TUSC3: variants seen among roughly 807,000 people sequenced by gnomAD.
TUSC3 encodes the protein dolichyl-diphosphooligosaccharide--protein glycosyltransferase subunit TUSC3.
Under a neutral mutation model 44.8 loss-of-function variants are expected in TUSC3, and 45 were observed. The observed-to-expected ratio is 1.00, with a 90% CI of 0.79 to 1.29. The LOEUF (loss-of-function observed/expected upper bound fraction) is 1.29, where lower values mean the gene tolerates loss of function less well. TUSC3 is among the 50% of genes most tolerant of loss of function. The probability of loss-of-function intolerance (pLI) is 0.00; values close to 1 mark genes in which losing one functional copy is unlikely to be tolerated. For synonymous variants in TUSC3, 212 were observed against 152.9 expected (o/e 1.39, Z -2.85); for missense variants, 519 against 437.9 (o/e 1.19, Z -1.65).
At chr8:15,700,849 CTTTTTT>C (rs71211076) in intron 6 of TUSC3, among the ~76,000 whole-genome samples, 1 of 90,536 alleles carries the variant, frequency 1.1e-5, no homozygotes, top group Non-Finnish European at 2.0e-5. Flanking sequence ...ATGGCTGGAG[CTTTTTT>C]TTTTTTTTTT....
At chr8:15,606,129 G>A (rs750447065) in intron 1 of TUSC3, among the ~76,000 whole-genome samples, 3 of 152,050 alleles carry the variant, frequency 2.0e-5, no homozygotes, top group Non-Finnish European at 2.9e-5. Flanking sequence ...GACAAGCCAT[G>A]ACATTACAAG....
the TUSC3 span, among the ~76,000 whole-genome samples, chr8:15,791,276 C>A: frequency 1.6e-5 from 2 of 126,402 alleles, no homozygotes; most frequent in South Asian, 2.3e-4. Context: ...AGCGCCCCCC[C>A]CAACCCACGC....
chr8:15,641,186 C>T (rs980462382), intron 2 of TUSC3, among the ~76,000 whole-genome samples: 7 of 151,746 alleles, frequency 4.6e-5, no homozygotes, highest in African/African-American at 1.7e-4. Context: ...TGGTGAAACC[C>T]CTGTCTCTAC....
At chr8:15,552,074 T>A (rs534023135) in intron 1 of TUSC3, among the ~76,000 whole-genome samples, 3 of 151,796 alleles carry the variant, frequency 2.0e-5, no homozygotes, top group African/African-American at 7.2e-5. Flanking sequence ...ACAAGCCTTA[T>A]ATGTTTGATT....
intron 6 of TUSC3, among the ~76,000 whole-genome samples, chr8:15,729,879 A>T (rs1810647527): frequency 6.6e-6 from 1 of 152,280 alleles, no homozygotes; most frequent in East Asian, 1.9e-4. Flanking sequence ...GAAAAAAAAA[A>T]GATACCTTCA....
intron 1 of TUSC3, among the ~76,000 whole-genome samples, chr8:15,600,369 A>T (rs1585140782): frequency 1.3e-5 from 2 of 151,792 alleles, no homozygotes; most frequent in South Asian, 4.1e-4. Context: ...CTAAGGACAA[A>T]CAGGTTTGAT....
At chr8:15,602,716 G>A (rs1022392926) in intron 1 of TUSC3, among the ~76,000 whole-genome samples, 2 of 150,296 alleles carry the variant, frequency 1.3e-5, no homozygotes, top group Non-Finnish European at 3.0e-5. Context: ...GTATGTATAC[G>A]TGTGTATACA....
chr8:15,478,858 CTG>C (rs1219431901), intron 1 of TUSC3, among the ~76,000 whole-genome samples: 20 of 152,294 alleles, frequency 1.3e-4, no homozygotes, highest in African/African-American at 4.6e-4. Flanking sequence ...AATTGCCACA[CTG>C]TCTTCCACAG....
At chr8:15,443,745 C>T (rs775972484) in intron 1 of TUSC3, among the ~76,000 whole-genome samples, 4 of 152,238 alleles carry the variant, frequency 2.6e-5, no homozygotes, top group African/African-American at 7.2e-5. Context: ...TTAGGAGTCA[C>T]GCAGCTGGGC....
chr8:15,554,942 T>C (rs918165435), intron 1 of TUSC3, among the ~76,000 whole-genome samples: 1 of 151,172 alleles, frequency 6.6e-6, no homozygotes, highest in African/African-American at 2.4e-5. Flanking sequence ...ACTGTGGAAA[T>C]AGGTAAATTG....
intron 6 of TUSC3, among the ~76,000 whole-genome samples, chr8:15,686,270 C>T (rs374918547): frequency 4.0e-5 from 6 of 151,764 alleles, no homozygotes; most frequent in Admixed American, 1.3e-4. Flanking sequence ...AAAGCTTATG[C>T]GTAGGCTGTA....
At chr8:15,443,891 G>A (rs1225836980) in intron 1 of TUSC3, among the ~76,000 whole-genome samples, 1 of 151,534 alleles carries the variant, frequency 6.6e-6, no homozygotes, top group Admixed American at 6.6e-5. Flanking sequence ...CCCCCACCCG[G>A]GAACTGACTC....
chr8:15,624,897 T>C (rs1312965030), intron 2 of TUSC3, among the ~76,000 whole-genome samples: 2 of 152,184 alleles, frequency 1.3e-5, no homozygotes, highest in Non-Finnish European at 2.9e-5. Context: ...CTCCTGTTTT[T>C]TTTTCTGAAA....
the TUSC3 span, among the ~76,000 whole-genome samples, chr8:15,845,169 G>A: frequency 1.3e-5 from 2 of 152,110 alleles, no homozygotes; most frequent in Non-Finnish European, 2.9e-5. Context: ...GTGATTTTAA[G>A]TCCCTCGGAT....
intron 2 of TUSC3, among the ~76,000 whole-genome samples, chr8:15,499,608 G>C (rs778491097): frequency 1.3e-5 from 2 of 152,170 alleles, no homozygotes; most frequent in African/African-American, 4.8e-5. Flanking sequence ...TTCTTGGTAT[G>C]ATGGTTAATT....
the TUSC3 span, among the ~76,000 whole-genome samples, chr8:15,827,552 C>T: frequency 1.8e-4 from 28 of 152,072 alleles, no homozygotes; most frequent in Admixed American, 1.8e-3. Flanking sequence ...TCAGAAAACT[C>T]TAAGATGATA....
chr8:15,777,329 A>T, the TUSC3 span, among the ~76,000 whole-genome samples: 22 of 152,274 alleles, frequency 1.4e-4, no homozygotes, highest in East Asian at 1.5e-3. Context: ...AAAAGAAGGC[A>T]TAGTGTGCCT....
Position 15,584,675 on chromosome 8 carries a change from G to A in TUSC3, c.139-38405G>A, listed in dbSNP as rs559628050. 2.0e-4 allele frequency among the ~76,000 whole-genome samples: 31 copies of A among 152,156 alleles called. 1 individual carries two copies. Among genetic ancestry groups the A allele is most frequent in the South Asian group, 1.2e-3 (6 of 4,818 alleles). On this transcript the variant is annotated intron_variant, in intron 1 of 10. Transcript: ENST00000503731. The stretch of plus-strand genomic sequence containing the variant: ...GAGTGTGACATGATGGAGGCTGCCC[G>A]TTGGATCTGGAATATGTGTGTATGG...
chr8:15,562,238 T>G (rs569720099), intron 1 of TUSC3, among the ~76,000 whole-genome samples: 9 of 152,212 alleles, frequency 5.9e-5, no homozygotes, highest in Admixed American at 5.2e-4. Context: ...TATCTTACGG[T>G]TTTCTTCTGA....
Sources: allele counts gnomAD v4.1 joint callset (sites outside exome capture counted in the v4.1 genomes callset), GRCh38; gene constraint gnomAD v4.1.1; transcripts MANE v1.5; gene names NCBI Gene and HGNC (gene_info 2026-07-23, HGNC 2026-07-21).